MINDY4: variants seen among roughly 807,000 people sequenced by gnomAD.
MINDY4 encodes the protein MINDY lysine 48 deubiquitinase 4.
Under a neutral mutation model 87.0 loss-of-function variants are expected in MINDY4, and 68 were observed. The observed-to-expected ratio is 0.78, with a 90% confidence interval of 0.64 to 0.96. MINDY4 has a LOEUF of 0.96. MINDY4 is among the 40% of genes least tolerant of loss of function. MINDY4 has a pLI of 0.00. For synonymous variants in MINDY4, 379 were observed against 363.2 expected (o/e 1.04, Z -0.50); for missense variants, 919 against 928.2 (o/e 0.99, Z 0.13).
In MINDY4 at chr7:30,791,253, T is replaced by A. The variant is rs199816608; in HGVS notation, c.752T>A (p.Leu251His). ...PQEESRKVPELFVCTQQDILA... is the reference protein window; with the variant it reads ...PQEESRKVPEHFVCTQQDILA... ...GAAGAGAGCCGGAAGGTCCCTGAGC[T>A]CTTTGTCTGCACCCAACAGGACATT... Residue 251 changes from leucine to histidine, a missense_variant, in exon 5 of 18, where the codon CTC (leucine) becomes CAC (histidine). Physicochemically the swap from Leu to His is moderately conservative, Grantham distance 99. Coordinates refer to ENST00000265299, the MANE Select transcript of MINDY4 (RefSeq NM_032222.3). 1.9e-6 allele frequency: 3 copies of A among 1,614,052 alleles called. No homozygotes were observed. The highest frequency in any genetic ancestry group is 1.7e-6 in the Non-Finnish European group (2 of 1,180,004).
chr7:30,800,380 CAT>C (rs1161362754), intron 5 of MINDY4, among the ~76,000 whole-genome samples: 1 of 152,226 alleles, frequency 6.6e-6, no homozygotes, highest in Non-Finnish European at 1.5e-5. Flanking sequence ...CCCATCATGA[CAT>C]GTGCAGCCCT....
At chr7:30,849,225 T>A (rs79848344) in intron 9 of MINDY4, among the ~76,000 whole-genome samples, 1,977 of 152,214 alleles carry the variant, frequency 0.013, 39 homozygotes, top group African/African-American at 0.045. Context: ...GTATTCTTCC[T>A]CCCCAGCACA....
At chr7:30,848,992 G>A (rs1789314709) in intron 9 of MINDY4, among the ~76,000 whole-genome samples, 1 of 152,204 alleles carries the variant, frequency 6.6e-6, no homozygotes, top group Admixed American at 6.5e-5. Context: ...CTCCTTTAAA[G>A]CCACGAGGGA....
chr7:30,885,236 A>G (rs1205952996), intron 17 of MINDY4, among the ~76,000 whole-genome samples: 3 of 152,222 alleles, frequency 2.0e-5, no homozygotes, highest in East Asian at 3.9e-4. Flanking sequence ...CACCTGGAGA[A>G]TATGTTAAAA....
At chr7:30,801,008 C>T (rs1249359745) in intron 5 of MINDY4, among the ~76,000 whole-genome samples, 1 of 152,126 alleles carries the variant, frequency 6.6e-6, no homozygotes, top group African/African-American at 2.4e-5. Context: ...TTAAGCAGTC[C>T]AGGGGGAGAG....
chr7:30,842,571 G>T (rs1165012506), intron 9 of MINDY4, among the ~76,000 whole-genome samples: 1 of 152,196 alleles, frequency 6.6e-6, no homozygotes, highest in Non-Finnish European at 1.5e-5. Flanking sequence ...CCTCAGCAGG[G>T]ATACAGGGCT....
intron 5 of MINDY4, among the ~76,000 whole-genome samples, chr7:30,818,715 G>A (rs949351884): frequency 6.6e-6 from 1 of 152,196 alleles, no homozygotes; most frequent in Non-Finnish European, 1.5e-5. Flanking sequence ...TCGTGTATAT[G>A]TTGGGGCTGG....
intron 1 of MINDY4, among the ~76,000 whole-genome samples, chr7:30,774,853 T>C (rs545145271): frequency 7.2e-5 from 11 of 152,202 alleles, no homozygotes; most frequent in African/African-American, 2.6e-4. Context: ...TTTATGGCTC[T>C]CTTCTCTTCT....
At chr7:30,790,880 C>T (rs1193913230) in intron 4 of MINDY4, among the ~76,000 whole-genome samples, 3 of 152,174 alleles carry the variant, frequency 2.0e-5, no homozygotes, top group Non-Finnish European at 4.4e-5. Flanking sequence ...ACTGGAGCGA[C>T]GGCTTCACCT....
At position 30,791,293 on chromosome 7, in the gene MINDY4, C is replaced by T. The variant is rs1787315723; in HGVS notation, c.792C>T (p.Asn264=). 6.2e-7 allele frequency: 1 copy of T among 1,614,206 alleles called. No individual in the cohort carries two copies. The highest frequency in any genetic ancestry group is 8.5e-7 in the Non-Finnish European group (1 of 1,180,042). The change falls in exon 5 of 18, where the codon AAC becomes AAT. Residue 264 remains asparagine, a synonymous_variant. Transcript: ENST00000265299. ...CTQQDILASS[N]SSPSRTSLGQ... The stretch of plus-strand genomic sequence containing the variant: ...AACAGGACATTCTGGCTTCGAGCAA[C>T]AGCTCCCCCTCCAGGACCTCCCTGG...
chr7:30,785,753 G>A lies in MINDY4; in HGVS notation c.424G>A (p.Asp142Asn). The change falls in exon 4 of 18, where the codon GAC becomes AAC. Residue 142 changes from aspartate to asparagine, a missense_variant. Transcript: ENST00000265299. ...SLSETSKARHDNLDGDVLGNF... is the reference protein window; with the variant it reads ...SLSETSKARHNNLDGDVLGNF... Reference sequence around the variant, plus strand: ...GGAAATATTCCTTTTTCACAGACATGACAATCTTGATGGAGATGTACTTGG... The same window carrying A: ...GGAAATATTCCTTTTTCACAGACATAACAATCTTGATGGAGATGTACTTGG... The A allele has an allele frequency of 6.2e-7, 1 of 1,614,074 alleles. No individual in the cohort carries two copies. The highest frequency in any genetic ancestry group is 2.2e-5 in the East Asian group (1 of 44,890).
At chr7:30,847,013 G>T (rs1001237631) in intron 9 of MINDY4, among the ~76,000 whole-genome samples, 2 of 152,106 alleles carry the variant, frequency 1.3e-5, no homozygotes, top group African/African-American at 4.8e-5. Flanking sequence ...GTGGCCTGGG[G>T]GTTGGGAACT....
At chr7:30,827,582 G>A (rs1248405666) in intron 5 of MINDY4, among the ~76,000 whole-genome samples, 1 of 152,284 alleles carries the variant, frequency 6.6e-6, no homozygotes, top group East Asian at 1.9e-4. Flanking sequence ...GGGCAGAGGG[G>A]TTTTGTGGTT....
chr7:30,858,616 A>G (rs1789651323), intron 12 of MINDY4: 1 of 151,548 alleles, frequency 6.6e-6, no homozygotes, highest in South Asian at 2.1e-4. Flanking sequence ...AGAAAAATCC[A>G]CAATGAACAA....
In MINDY4 at chr7:30,850,325, G is replaced by C. The variant is rs1789370792; in HGVS notation, c.1446-129G>C. 6.2e-6 allele frequency: 5 copies of C among 803,110 alleles called. No homozygotes were observed. The South Asian group carries it at 8.3e-5, about 13-fold the overall frequency. The allele number at this position is 803,110 out of a possible 1,614,324, so 49.7% of individuals were successfully genotyped here. A position where few individuals can be genotyped will look rare whatever the true frequency, so the allele number is the denominator to read the frequency against. Reference sequence around the variant, plus strand: ...GCCTTGGGGCTCCTGGGCTGCAGGTGGCCCCTCTGCAGGCCAGAGAAAGAA... The same window carrying C: ...GCCTTGGGGCTCCTGGGCTGCAGGTCGCCCCTCTGCAGGCCAGAGAAAGAA... On this transcript the variant is annotated intron_variant, in intron 9 of 17. Transcript: ENST00000265299.
chr7:30,876,465 C>T (rs1584348080), intron 15 of MINDY4, among the ~76,000 whole-genome samples: 1 of 152,208 alleles, frequency 6.6e-6, no homozygotes, highest in Admixed American at 6.5e-5. Flanking sequence ...GTAGGCCTCA[C>T]ACATCCTGTT....
At chr7:30,781,935 C>A in intron 2 of MINDY4, 42 bp from the exon 3 acceptor site, 2 of 1,371,708 alleles carry the variant, frequency 1.5e-6, no homozygotes, top group Non-Finnish European at 2.1e-6. Context: ...TTCCCTGAAG[C>A]TGTATATAAA....
chr7:30,802,839 A>G (rs969873976), intron 5 of MINDY4, among the ~76,000 whole-genome samples: 2 of 151,986 alleles, frequency 1.3e-5, no homozygotes, highest in African/African-American at 4.8e-5. Context: ...CAACCATCCC[A>G]ACCGACCAAC....
chr7:30,791,706 C>A, intron 5 of MINDY4, 132 bp downstream of exon 5: 2 of 995,140 alleles, frequency 2.0e-6, no homozygotes, highest in Non-Finnish European at 2.9e-6. Context: ...GCGAAGTAAC[C>A]GGCAAGGTAG....
Sources: allele counts gnomAD v4.1 joint callset (sites outside exome capture counted in the v4.1 genomes callset), GRCh38; gene constraint gnomAD v4.1.1; transcripts MANE v1.5; gene names NCBI Gene and HGNC (gene_info 2026-07-23, HGNC 2026-07-21).